The following NDUFAF5 variants were observed in gnomAD, a reference collection of about 807,000 sequenced individuals.
NDUFAF5 encodes the protein arginine-hydroxylase NDUFAF5, mitochondrial.
Under a neutral mutation model 48.9 loss-of-function variants are expected in NDUFAF5, and 34 were observed. The ratio of observed to expected loss-of-function variants is 0.70; its 90% CI spans 0.53 to 0.93. NDUFAF5 has a LOEUF of 0.93. Ranked by LOEUF, NDUFAF5 falls within the 40% of genes least tolerant of loss-of-function variation. NDUFAF5 has a pLI of 0.00. For synonymous variants in NDUFAF5, 153 were observed against 150.6 expected, an observed-to-expected ratio of 1.02 and a Z score of -0.12; for missense variants, 428 against 427.5, an observed-to-expected ratio of 1.00 and a Z score of -0.01.
At chr20:13,811,700 A>G (rs1370391499) in intron 8 of NDUFAF5, among the ~76,000 whole-genome samples, 1 of 152,236 alleles carries the variant, frequency 6.6e-6, no homozygotes, top group Non-Finnish European at 1.5e-5. Flanking sequence ...TATGCAAAAT[A>G]TATGCAAAAA....
chr20:13,792,238 A>G (rs981013064), intron 3 of NDUFAF5, among the ~76,000 whole-genome samples: 2 of 152,216 alleles, frequency 1.3e-5, no homozygotes, highest in African/African-American at 4.8e-5. Flanking sequence ...TCCCAGCTCC[A>G]TATTTAGCAA....
intron 8 of NDUFAF5, among the ~76,000 whole-genome samples, chr20:13,811,681 G>A (rs1435162145): frequency 6.6e-6 from 1 of 152,214 alleles, no homozygotes; most frequent in Non-Finnish European, 1.5e-5. Flanking sequence ...AACTCTGAAA[G>A]AGGTTAGATA....
intron 10 of NDUFAF5, 74 bp from the exon 11 acceptor site, chr20:13,817,044 C>T (rs1986554097): frequency 9.1e-6 from 14 of 1,537,990 alleles, no homozygotes; most frequent in Non-Finnish European, 1.2e-5. Context: ...TAATGTAAGA[C>T]AGCATTAAGG....
chr20:13,793,892 G>C (rs770349859), intron 4 of NDUFAF5, among the ~76,000 whole-genome samples: 5 of 152,166 alleles, frequency 3.3e-5, no homozygotes, highest in Non-Finnish European at 7.3e-5. Flanking sequence ...CAGCCTTTTC[G>C]TCTGGGTCAG....
In NDUFAF5 at chr20:13,785,861, A is replaced by T. The variant is rs150307331; in HGVS notation, c.222+571A>T. ...ATGAAATATATTAAATATAAATTTA[A>T]ATTTTTCAATTAAAATTTCTCTCGT... On this transcript the variant is annotated intron_variant, in intron 1 of 10. Transcript: ENST00000378106. Among the ~76,000 whole-genome samples the T allele has an allele frequency of 6.4e-3, 974 of 152,302 alleles. 10 individuals carry two copies. Among genetic ancestry groups the T allele is most frequent in the African/African-American group, 0.022 (925 of 41,558 alleles).
In NDUFAF5 at chr20:13,804,992, C is replaced by G. The variant is rs922565392; in HGVS notation, c.717+3309C>G. The stretch of plus-strand genomic sequence containing the variant: ...TAGATTAGGAACCAGTGATTTAAAG[C>G]CTTTTTGATAATATTTATTTTACTT... On this transcript the variant is annotated intron_variant, in intron 7 of 10. Coordinates refer to ENST00000378106, the MANE Select transcript of NDUFAF5 (RefSeq NM_024120.5). Among the ~76,000 whole-genome samples, 4 of 152,044 alleles carry G rather than the reference C, an allele frequency of 2.6e-5. No homozygotes were observed. The South Asian group carries it at 8.3e-4, about 32-fold the overall frequency.
Position 13,794,843 on chromosome 20 carries a change from T to G in NDUFAF5, c.381T>G (p.Asn127Lys). ...TTTCGTTTTCTTAACATTAGAAAAA[T>G]TCCTCAGAAACAGAAATACCTACTG... ...QADIAENALK[N>K]SSETEIPTVS... The change falls in exon 5 of 11, where the codon AAT (asparagine) becomes AAG (lysine). Residue 127 changes from asparagine to lysine, a missense_variant. Transcript: ENST00000378106. The G allele has an allele frequency of 6.3e-7, 1 of 1,598,982 alleles. No individual in the cohort carries two copies.
chr20:13,814,373 A>G (rs545162493), intron 8 of NDUFAF5: 2 of 971,926 alleles, frequency 2.1e-6, no homozygotes, highest in Non-Finnish European at 2.8e-6. Context: ...TTTTTTCTTA[A>G]TGGTTGTGGT....
rs1986925321 is a variant in NDUFAF5, at chr20:13,820,683, T to C, written c.*3473T>C. ...TCTAGCCTGGGCAACAGCAAGACCC[T>C]CGTCTCAAAAAAGAAAAAAAAAAAG... On this transcript the variant is annotated 3_prime_UTR_variant, in exon 11 of 11. Transcript: ENST00000378106. 1 of 151,426 alleles carries C rather than the reference T, an allele frequency of 6.6e-6. No individual in the cohort carries two copies. Among genetic ancestry groups the C allele is most frequent in the Non-Finnish European group, 1.5e-5 (1 of 67,942 alleles). 9.4% of individuals were successfully genotyped at this position (151,426 alleles called of 1,614,324 possible).
intron 8 of NDUFAF5, among the ~76,000 whole-genome samples, chr20:13,810,056 A>G (rs1275626873): frequency 6.6e-6 from 1 of 152,206 alleles, no homozygotes; most frequent in African/African-American, 2.4e-5. Flanking sequence ...TATGTCAAGT[A>G]GGCAGTTGAG....
chr20:13,818,353 C>A lies in NDUFAF5; in HGVS notation c.*1143C>A. 1 of 385,244 alleles carries A rather than the reference C, an allele frequency of 2.6e-6. No individual in the cohort carries two copies. The highest frequency in any genetic ancestry group is 5.1e-6 in the Non-Finnish European group (1 of 194,192). The allele number at this position is 385,244 out of a possible 1,614,324, so 23.9% of individuals were successfully genotyped here. On this transcript the variant is annotated 3_prime_UTR_variant, in exon 11 of 11. Transcript: ENST00000378106. ...TGTTCCCTTCAGTTTGAAAAATCAT[C>A]GATATTTGAAACTGGGATACGCTTG...
intron 7 of NDUFAF5, among the ~76,000 whole-genome samples, chr20:13,806,316 A>T (rs1984996823): frequency 6.6e-6 from 1 of 152,158 alleles, no homozygotes; most frequent in Non-Finnish European, 1.5e-5. Flanking sequence ...GACCATCTTG[A>T]CTAACACAGT....
At chr20:13,785,940 T>C (rs1981011311) in intron 1 of NDUFAF5, among the ~76,000 whole-genome samples, 1 of 152,202 alleles carries the variant, frequency 6.6e-6, no homozygotes, top group African/African-American at 2.4e-5. Context: ...CATATGTGGC[T>C]CTCATGATTT....
rs750347090 is a variant in NDUFAF5, at chr20:13,788,571, C to T, written c.264-18C>T. ...CTGTGTTATGGACAGAGCATAACCT[C>T]TGTGTCTTTTTTTTTAGAAATTTCC... On this transcript the variant is annotated intron_variant, in intron 2 of 10. Transcript: ENST00000378106. The T allele has an allele frequency of 8.2e-6, 13 of 1,593,684 alleles. No individual in the cohort carries two copies. In the East Asian group the frequency reaches 2.9e-4, roughly 36 times the overall value.
At chr20:13,815,767 A>G (rs989707068) in intron 8 of NDUFAF5, among the ~76,000 whole-genome samples, 2 of 152,218 alleles carry the variant, frequency 1.3e-5, no homozygotes, top group Admixed American at 6.5e-5. Flanking sequence ...AAATATGCTC[A>G]AAGTAAATTT....
At chr20:13,802,765 A>C (rs1161066008) in intron 7 of NDUFAF5, among the ~76,000 whole-genome samples, 1 of 151,528 alleles carries the variant, frequency 6.6e-6, no homozygotes, top group Admixed American at 6.6e-5. Flanking sequence ...TGCTCAGCTT[A>C]CATTAGCTCC....
intron 3 of NDUFAF5, among the ~76,000 whole-genome samples, chr20:13,792,752 G>A (rs1186762491): frequency 6.6e-6 from 1 of 152,198 alleles, no homozygotes; most frequent in African/African-American, 2.4e-5. Context: ...TTGGAAGGGA[G>A]AGAGGGTAGG....
At chr20:13,791,822 A>G (rs879378671) in intron 3 of NDUFAF5, among the ~76,000 whole-genome samples, 1 of 152,170 alleles carries the variant, frequency 6.6e-6, no homozygotes, top group Non-Finnish European at 1.5e-5. Flanking sequence ...CCTGTAGTCT[A>G]TCCATAGTAG....
chr20:13,799,833 A>T (rs542683683), intron 6 of NDUFAF5, among the ~76,000 whole-genome samples: 20 of 152,106 alleles, frequency 1.3e-4, no homozygotes, highest in African/African-American at 4.8e-4. Context: ...AGTATTTAGG[A>T]CTCTACAAGG....
Sources: allele counts gnomAD v4.1 joint callset (sites outside exome capture counted in the v4.1 genomes callset), GRCh38; gene constraint gnomAD v4.1.1; transcripts MANE v1.5; gene names NCBI Gene and HGNC (gene_info 2026-07-23, HGNC 2026-07-21).